The following CCT3 variants were observed in gnomAD, a reference collection of about 807,000 sequenced individuals.
CCT3 encodes the protein chaperonin containing TCP1 subunit 3.
A neutral mutation model predicts 65.3 loss-of-function variants in CCT3; 10 were observed. The observed-to-expected ratio is 0.15, with a 90% CI of 0.09 to 0.26. CCT3 has a LOEUF of 0.26. CCT3 is among the 10% of genes least tolerant of loss of function. CCT3 has a pLI of 1.00. For missense variants in CCT3, 626 were observed against 708.7 expected, an observed-to-expected ratio of 0.88 and a Z score of 1.33; for synonymous variants, 225 against 242.3, an observed-to-expected ratio of 0.93 and a Z score of 0.66.
chr1:156,332,458 A>G (rs1172908181), intron 5 of CCT3, among the ~76,000 whole-genome samples: 1 of 152,248 alleles, frequency 6.6e-6, no homozygotes, highest in African/African-American at 2.4e-5. Flanking sequence ...TTAAACTTAC[A>G]TAGCCCAGGG....
At chr1:156,328,545 C>A (rs1208039752) in intron 5 of CCT3, among the ~76,000 whole-genome samples, 1 of 152,072 alleles carries the variant, frequency 6.6e-6, no homozygotes, top group South Asian at 2.1e-4. Flanking sequence ...TCCTGTTGAT[C>A]TGTGACCTTA....
At chr1:156,317,374 T>C (rs757073776) in intron 9 of CCT3, 41 bp downstream of exon 9, 2 of 1,601,818 alleles carry the variant, frequency 1.2e-6, no homozygotes, top group East Asian at 2.2e-5. Context: ...CCCACCCTCG[T>C]CTACCTCAAA....
At chr1:156,325,664 G>A (rs1465917615) in intron 5 of CCT3, among the ~76,000 whole-genome samples, 1 of 148,842 alleles carries the variant, frequency 6.7e-6, no homozygotes, top group South Asian at 2.1e-4. Context: ...TGCAACCTCC[G>A]CCTCCCAGAT....
At chr1:156,338,122 G>A (rs1360725602) in intron 1 of CCT3, 32 bp downstream of exon 1, 1 of 1,573,742 alleles carries the variant, frequency 6.4e-7, no homozygotes, top group Non-Finnish European at 8.6e-7. Context: ...GGGCGAAAAG[G>A]GGGTCCATTT....
chr1:156,331,972 C>T (rs911166478), intron 5 of CCT3, among the ~76,000 whole-genome samples: 5 of 151,814 alleles, frequency 3.3e-5, no homozygotes, highest in Admixed American at 1.3e-4. Flanking sequence ...GGGGAGGTTG[C>T]GGCGAGCCGA....
chr1:156,314,446 G>A (rs1196843134), intron 10 of CCT3, among the ~76,000 whole-genome samples: 1 of 152,206 alleles, frequency 6.6e-6, no homozygotes, highest in Non-Finnish European at 1.5e-5. Context: ...CAGGTGCAGT[G>A]GCTCACGCCT....
At chr1:156,332,234 G>A (rs1297078849) in intron 5 of CCT3, among the ~76,000 whole-genome samples, 4 of 152,088 alleles carry the variant, frequency 2.6e-5, no homozygotes, top group African/African-American at 4.8e-5. Flanking sequence ...GGCTGGTCTC[G>A]AACTCCTGAC....
chr1:156,321,052 G>C, intron 6 of CCT3, 27 bp from the exon 7 acceptor site: 1 of 1,586,796 alleles, frequency 6.3e-7, no homozygotes, highest in South Asian at 1.1e-5. Context: ...CAGACGATAT[G>C]TGAAGAAGGC....
At chr1:156,312,983 G>A (rs558059999) in intron 10 of CCT3, among the ~76,000 whole-genome samples, 2 of 152,300 alleles carry the variant, frequency 1.3e-5, no homozygotes, top group African/African-American at 2.4e-5. Context: ...CTTTTAAAAT[G>A]TCAAGATAGC....
chr1:156,330,498 T>C (rs183384887), intron 5 of CCT3, among the ~76,000 whole-genome samples: 14 of 152,102 alleles, frequency 9.2e-5, no homozygotes, highest in Admixed American at 9.2e-4. Flanking sequence ...ACCACACCTC[T>C]ACTAAAAATA....
rs556249107 is a variant in CCT3, at chr1:156,337,168, G to A, written c.31+986C>T. ...GCCTGTAATCTCAGCACTTTGGGAG[G>A]CCGAGGTGGGCGGATCACCTGAGCT... On this transcript the variant is annotated intron_variant, in intron 1 of 13. Coordinates refer to ENST00000295688, the MANE Select transcript of CCT3 (RefSeq NM_005998.5). 10 of 856,524 alleles carry A rather than the reference G, an allele frequency of 1.2e-5. No homozygotes were observed. In the African/African-American group the frequency reaches 1.6e-4, roughly 14 times the overall value. The allele number at this position is 856,524 out of a possible 1,614,324, so 53.1% of individuals were successfully genotyped here.
At chr1:156,327,636 C>G (rs375800592) in intron 5 of CCT3, among the ~76,000 whole-genome samples, 1 of 152,016 alleles carries the variant, frequency 6.6e-6, no homozygotes, top group Admixed American at 6.6e-5. Context: ...GATCTCGGCT[C>G]GCTACAACCA....
intron 8 of CCT3, 34 bp downstream of exon 8, chr1:156,318,834 C>G: frequency 6.3e-7 from 1 of 1,592,246 alleles, no homozygotes; most frequent in Non-Finnish European, 8.6e-7. Flanking sequence ...CAGATTCTTG[C>G]ATCTACTTTA....
intron 5 of CCT3, among the ~76,000 whole-genome samples, chr1:156,327,314 C>T (rs925126627): frequency 4.6e-5 from 7 of 151,158 alleles, no homozygotes; most frequent in African/African-American, 1.7e-4. Flanking sequence ...CTCTCCCTCT[C>T]TTTCCACGGT....
rs959263854 is a variant in CCT3 at position 156,320,932 on chromosome 1, A to C, written c.516T>G (p.Ala172=). 1 of 1,613,930 alleles carries C rather than the reference A, an allele frequency of 6.2e-7. No individual in the cohort carries two copies. The highest frequency in any genetic ancestry group is 1.3e-5 in the African/African-American group (1 of 74,910). The change falls in exon 7 of 14, where the codon GCT becomes GCG. Residue 172 remains alanine, a synonymous_variant. Transcript: ENST00000295688. ...TKAISRWSSL[A]CNIALDAVKM... ...TGACAGCATCCAGGGCAATGTTGCA[A>C]GCCAAAGATGACCACCGACTGATGG... is the stretch of plus-strand genomic sequence containing the variant.
chr1:156,335,675 A>G (rs1209463481), intron 2 of CCT3, 152 bp downstream of exon 2: 7 of 598,188 alleles, frequency 1.2e-5, no homozygotes, highest in Admixed American at 9.1e-5. Context: ...TTCCCCTAAC[A>G]TCATCAGGAA....
chr1:156,323,522 T>C (rs1430105968), intron 6 of CCT3, among the ~76,000 whole-genome samples: 1 of 152,210 alleles, frequency 6.6e-6, no homozygotes, highest in East Asian at 1.9e-4. Flanking sequence ...TGGAGTGCAG[T>C]GGTGCAATCT....
At position 156,338,292 on chromosome 1, in the gene CCT3, C is replaced by T. The variant is rs1241340299; in HGVS notation, c.-108G>A. The T allele has an allele frequency of 1.9e-6, 2 of 1,050,832 alleles. No individual in the cohort carries two copies. The highest frequency in any genetic ancestry group is 2.9e-6 in the Non-Finnish European group (2 of 698,628). 65.1% of individuals were successfully genotyped at this position (1,050,832 alleles called of 1,614,324 possible). ...GAAAACGCTGCCTCCTCAGGGCTTA[C>T]ACCTCAACCCGCTACTCTCAAGGTA... is the stretch of plus-strand genomic sequence containing the variant. On this transcript the variant is annotated 5_prime_UTR_variant, in exon 1 of 14. Coordinates refer to ENST00000295688, the MANE Select transcript of CCT3 (RefSeq NM_005998.5).
At chr1:156,318,157 C>T (rs967994512) in intron 8 of CCT3, among the ~76,000 whole-genome samples, 4 of 152,062 alleles carry the variant, frequency 2.6e-5, no homozygotes, top group African/African-American at 7.2e-5. Context: ...GGTCTTAATT[C>T]TTCCCACTAA....
Sources: allele counts gnomAD v4.1 joint callset (sites outside exome capture counted in the v4.1 genomes callset), GRCh38; gene constraint gnomAD v4.1.1; transcripts MANE v1.5; gene names NCBI Gene and HGNC (gene_info 2026-07-23, HGNC 2026-07-21).